Variants in BMP6 observed in about 807,000 individuals in gnomAD.
BMP6 encodes VG-1-R.
BMP6 carries 17 observed loss-of-function variants against 54.1 expected under a neutral mutation model. The ratio of observed to expected loss-of-function variants is 0.31; its 90% CI spans 0.22 to 0.47. The LOEUF (loss-of-function observed/expected upper bound fraction) is 0.47, where lower values mean the gene tolerates loss of function less well. BMP6 is among the 20% of genes least tolerant of loss of function. BMP6 has a pLI of 1.00. For missense variants in BMP6, 720 were observed against 690.4 expected (o/e 1.04, Z -0.48); for synonymous variants, 328 against 291.2 (o/e 1.13, Z -1.28).
At chr6:7,810,994 A>G (rs1758427761) in intron 1 of BMP6, among the ~76,000 whole-genome samples, 1 of 152,176 alleles carries the variant, frequency 6.6e-6, no homozygotes, top group South Asian at 2.1e-4. Flanking sequence ...AAGTATCTTC[A>G]ATGTGTAGGG....
chr6:7,789,547 A>G (rs1338153724), intron 1 of BMP6, among the ~76,000 whole-genome samples: 1 of 152,256 alleles, frequency 6.6e-6, no homozygotes, highest in Non-Finnish European at 1.5e-5. Flanking sequence ...GGTAATTCAC[A>G]TGAATCATTG....
At chr6:7,842,069 C>T (rs951701903) in intron 1 of BMP6, among the ~76,000 whole-genome samples, 4 of 152,134 alleles carry the variant, frequency 2.6e-5, no homozygotes, top group Non-Finnish European at 5.9e-5. Context: ...GGTCAGACTT[C>T]CCTTTTCTCT....
intron 4 of BMP6, 68 bp downstream of exon 4, chr6:7,862,566 C>T: frequency 1.9e-6 from 3 of 1,582,206 alleles, no homozygotes; most frequent in Non-Finnish European, 2.6e-6. Flanking sequence ...AAGTTGTGTC[C>T]ACAGTCTCAG....
At chr6:7,775,295 A>G (rs528641910) in intron 1 of BMP6, among the ~76,000 whole-genome samples, 18 of 152,302 alleles carry the variant, frequency 1.2e-4, no homozygotes, top group African/African-American at 3.6e-4. Flanking sequence ...TCTAGGATAT[A>G]TAAATTCTCT....
chr6:7,877,562 G>A (rs1759641009), intron 4 of BMP6, among the ~76,000 whole-genome samples: 1 of 152,126 alleles, frequency 6.6e-6, no homozygotes, highest in Non-Finnish European at 1.5e-5. Context: ...GGCAGAGGTT[G>A]CAGTGAGCCG....
intron 1 of BMP6, among the ~76,000 whole-genome samples, chr6:7,728,037 C>T (rs1398213310): frequency 1.3e-5 from 2 of 152,172 alleles, no homozygotes; most frequent in Non-Finnish European, 2.9e-5. Flanking sequence ...CGATTTTCCC[C>T]TCTAAACTGC....
At chr6:7,770,755 T>C (rs967797110) in intron 1 of BMP6, among the ~76,000 whole-genome samples, 5 of 152,254 alleles carry the variant, frequency 3.3e-5, no homozygotes, top group African/African-American at 1.2e-4. Context: ...CTGGGAAATC[T>C]GTGCAGTCAG....
Position 7,862,317 on chromosome 6 carries a change from C to G in BMP6, c.1023C>G (p.Pro341=), listed in dbSNP as rs765363672. ...GCATTAAAGGAGTCCACGTCCACCC[C>G]CGAGCCGCAGGCCTGGTGGGCAGAG... ...VVTRDGVHVH[P]RAAGLVGRDG... is the part of the protein sequence containing the mutation. The change falls in exon 4 of 7, where the codon CCC becomes CCG. Residue 341 remains proline, a synonymous_variant. Coordinates refer to ENST00000283147, the MANE Select transcript of BMP6 (RefSeq NM_001718.6). The G allele has an allele frequency of 1.2e-6, 2 of 1,614,236 alleles. No homozygotes were observed. The highest frequency in any genetic ancestry group is 1.7e-6 in the Non-Finnish European group (2 of 1,180,042).
intron 1 of BMP6, among the ~76,000 whole-genome samples, chr6:7,829,119 G>A (rs896313590): frequency 6.6e-6 from 1 of 152,184 alleles, no homozygotes; most frequent in African/African-American, 2.4e-5. Context: ...TAGCCCCATC[G>A]TCATGGTCAG....
Position 7,739,782 on chromosome 6 carries a change from C to T in BMP6, c.664+12163C>T, listed in dbSNP as rs560827861. 1.1e-3 allele frequency among the ~76,000 whole-genome samples: 160 copies of T among 152,260 alleles called. 1 individual carries two copies. Among genetic ancestry groups the T allele is most frequent in the Middle Eastern group, 3.4e-3 (1 of 294 alleles). ...CCCCATCCATCTGCTGAAAGTGTTTCGTTGAAGGCAGCTAATGACTGTCCT... is the reference window on the plus strand; with the variant it reads ...CCCCATCCATCTGCTGAAAGTGTTTTGTTGAAGGCAGCTAATGACTGTCCT... On this transcript the variant is annotated intron_variant, in intron 1 of 6. Coordinates refer to ENST00000283147, the MANE Select transcript of BMP6 (RefSeq NM_001718.6).
chr6:7,840,039 T>C lies in BMP6; in HGVS notation c.665-5101T>C, dbSNP rs192544927. Reference sequence around the variant, plus strand: ...GAAGGAGAGGAGTTACTGGTCACCATTGCCTGCACAGCGGCCATGCCCACC... The same window carrying C: ...GAAGGAGAGGAGTTACTGGTCACCACTGCCTGCACAGCGGCCATGCCCACC... On this transcript the variant is annotated intron_variant, in intron 1 of 6. Transcript: ENST00000283147. Among the ~76,000 whole-genome samples, 272 of 152,316 alleles carry C rather than the reference T, an allele frequency of 1.8e-3. 3 individuals are homozygous for C. Among genetic ancestry groups the C allele is most frequent in the African/African-American group, 6.3e-3 (263 of 41,584 alleles).
chr6:7,787,156 G>A (rs1758031855), intron 1 of BMP6, among the ~76,000 whole-genome samples: 1 of 152,212 alleles, frequency 6.6e-6, no homozygotes, highest in Admixed American at 6.5e-5. Flanking sequence ...GAAGTAAAGA[G>A]TTTGGGAGAT....
chr6:7,851,934 C>A (rs1759148493), intron 2 of BMP6, among the ~76,000 whole-genome samples: 1 of 151,986 alleles, frequency 6.6e-6, no homozygotes, highest in African/African-American at 2.4e-5. Context: ...CTTTATTATT[C>A]TTTTTATATA....
chr6:7,856,610 T>TTTTTTTTTTTTTTTTTTTTGTTTTTG (rs1477184469), intron 2 of BMP6, among the ~76,000 whole-genome samples: 1 of 122,154 alleles, frequency 8.2e-6, no homozygotes, highest in Non-Finnish European at 1.7e-5. Flanking sequence ...TTTTTTTTTT[T>TTTTTTTTTTTTTTTTTTTTGTTTTTG]TTTTGAGACG....
chr6:7,757,324 A>G (rs1032983273), intron 1 of BMP6, among the ~76,000 whole-genome samples: 1 of 152,180 alleles, frequency 6.6e-6, no homozygotes, highest in African/African-American at 2.4e-5. Context: ...AGACTCTAGG[A>G]AGGATTTTGT....
In BMP6 at chr6:7,861,550, G is replaced by A. The variant is rs1759335616; in HGVS notation, c.957G>A (p.Val319=). 6.2e-7 allele frequency: 1 copy of A among 1,614,066 alleles called. No homozygotes were observed. The highest frequency in any genetic ancestry group is 8.5e-7 in the Non-Finnish European group (1 of 1,180,038). The part of the protein sequence containing the change: ...DITATSNLWV[V]TPQHNMGLQL... Reference sequence around the variant, plus strand: ...CGGCCACTAGCAATCTGTGGGTTGTGACTCCACAGCATAACATGGGGCTTC... The same window carrying A: ...CGGCCACTAGCAATCTGTGGGTTGTAACTCCACAGCATAACATGGGGCTTC... The change falls in exon 3 of 7, where the codon GTG becomes GTA. Residue 319 remains valine, a synonymous_variant. Transcript: ENST00000283147.
intron 1 of BMP6, among the ~76,000 whole-genome samples, chr6:7,764,195 T>C (rs1168033710): frequency 2.0e-5 from 3 of 152,222 alleles, no homozygotes; most frequent in Admixed American, 6.5e-5. Context: ...TGGAGAATGA[T>C]GAGTGTGGGA....
rs145302802 is a variant in BMP6, at chr6:7,807,355, G to A, written c.665-37785G>A. ...GTTGCCCAGGCTGGAGTGCAGTGACGCACTCTCTGCTTATTGGAACCTCCA... is the reference window on the plus strand; with the variant it reads ...GTTGCCCAGGCTGGAGTGCAGTGACACACTCTCTGCTTATTGGAACCTCCA... On this transcript the variant is annotated intron_variant, in intron 1 of 6. Transcript: ENST00000283147. 1.7e-4 allele frequency among the ~76,000 whole-genome samples: 26 copies of A among 151,878 alleles called. No homozygotes were observed. In the East Asian group the frequency reaches 4.3e-3, roughly 25 times the overall value.
intron 1 of BMP6, among the ~76,000 whole-genome samples, chr6:7,755,420 C>G (rs1462411919): frequency 2.0e-5 from 3 of 151,906 alleles, no homozygotes; most frequent in Non-Finnish European, 4.4e-5. Context: ...AATATTTTAC[C>G]ACTTCACGTA....
Sources: gnomAD v4.1 joint callset for allele counts (sites outside exome capture counted in the v4.1 genomes callset) on GRCh38, gnomAD v4.1.1 for gene constraint, MANE v1.5 for transcripts, NCBI Gene and HGNC (gene_info 2026-07-23, HGNC 2026-07-21) for gene names.